The following LPIN1 variants were observed in gnomAD, a reference collection of about 807,000 sequenced individuals.
LPIN1 encodes lipin 1.
Under a neutral mutation model 107.5 loss-of-function variants are expected in LPIN1, and 71 were observed. That is an observed-to-expected ratio of 0.66 (90% CI 0.55 to 0.80). The LOEUF (loss-of-function observed/expected upper bound fraction) is 0.80, where lower values mean the gene tolerates loss of function less well. Ranked by LOEUF, LPIN1 falls within the 30% of genes least tolerant of loss-of-function variation. The pLI is 0.00. For synonymous variants in LPIN1, 445 were observed against 452.6 expected (o/e 0.98, Z 0.21); for missense variants, 1,043 against 1,160.6 (o/e 0.90, Z 1.47).
intron 1 of LPIN1, among the ~76,000 whole-genome samples, chr2:11,687,251 C>T (rs1358982791): frequency 2.0e-5 from 3 of 152,082 alleles, no homozygotes; most frequent in Non-Finnish European, 4.4e-5. Context: ...TCCCAAAGTG[C>T]GTGAGCCACT....
chr2:11,735,801 G>T (rs1045017240), intron 1 of LPIN1, among the ~76,000 whole-genome samples: 64 of 152,330 alleles, frequency 4.2e-4, no homozygotes, highest in African/African-American at 1.5e-3. Context: ...AGCAAATTCA[G>T]TCTTTTTCTG....
In LPIN1 at chr2:11,751,185, CAA is replaced by C. The variant is rs148707070; in HGVS notation, c.-10+4516_-10+4517del. ...CTGGGGTTGTGGTATCTGAGGGTTG[CAA>C]AGTGTCAGCGCTGGAGGAGCTGAGT... On this transcript the variant is annotated intron_variant, in intron 1 of 20. Transcript: ENST00000674199. Among the ~76,000 whole-genome samples, 378 of 152,256 alleles carry C rather than the reference CAA, an allele frequency of 2.5e-3. 11 individuals are homozygous for C. In the East Asian group the frequency reaches 0.055, roughly 22 times the overall value.
intron 18 of LPIN1, chr2:11,818,276 C>G (rs1402541835): frequency 6.6e-6 from 1 of 152,178 alleles, no homozygotes; most frequent in East Asian, 1.9e-4. Context: ...ATTAATATCT[C>G]AAAATTATAT....
chr2:11,686,395 C>A (rs149841398), intron 1 of LPIN1, among the ~76,000 whole-genome samples: 1 of 152,298 alleles, frequency 6.6e-6, no homozygotes, highest in African/African-American at 2.4e-5. Flanking sequence ...AAGAGGTGCT[C>A]TGTAGTTAGC....
chr2:11,735,266 C>T lies in LPIN1; in HGVS notation c.-71-6083C>T, dbSNP rs1158393041. On this transcript the variant is annotated intron_variant, in intron 1 of 21. Transcript: ENST00000396097. Reference sequence around the variant, plus strand: ...GAGATTGTGCCACTGCACTCCAGCCCGGCTGACAGAGTAAGACTCTGTCTC... The same window carrying T: ...GAGATTGTGCCACTGCACTCCAGCCTGGCTGACAGAGTAAGACTCTGTCTC... Among the ~76,000 whole-genome samples, 5 of 148,100 alleles carry T rather than the reference C, an allele frequency of 3.4e-5. No individual in the cohort carries two copies. The South Asian group carries it at 6.4e-4, about 19-fold the overall frequency.
chr2:11,783,334 G>A (rs371302827), intron 8 of LPIN1, among the ~76,000 whole-genome samples: 5 of 152,142 alleles, frequency 3.3e-5, no homozygotes, highest in African/African-American at 7.2e-5. Flanking sequence ...GCCTCAATGC[G>A]TTTAGTGCTC....
At position 11,821,732 on chromosome 2, in the gene LPIN1, G is replaced by C. The variant is rs116216123; in HGVS notation, c.2621+1218G>C. Among the ~76,000 whole-genome samples the C allele has an allele frequency of 2.3e-3, 346 of 152,272 alleles. 2 individuals are homozygous for C. Among genetic ancestry groups the C allele is most frequent in the African/African-American group, 8.1e-3 (337 of 41,552 alleles). ...CTTAAACTAGTTGGATTCTAACTGA[G>C]TGTCAATAGGGCAGTTCTAGGCTAA... On this transcript the variant is annotated intron_variant, in intron 20 of 20. Transcript: ENST00000674199.
chr2:11,678,542 G>A (rs1661545009), intron 1 of LPIN1, among the ~76,000 whole-genome samples: 1 of 152,186 alleles, frequency 6.6e-6, no homozygotes. Flanking sequence ...ATGCTTAGGG[G>A]GCAGGGAGAC....
At chr2:11,681,621 A>G (rs1286792472) in intron 1 of LPIN1, 1 of 152,360 alleles carries the variant, frequency 6.6e-6, no homozygotes, top group Non-Finnish European at 1.5e-5. Flanking sequence ...AGAACAGGCT[A>G]GTACACCCCC....
chr2:11,782,465 G>A lies in LPIN1; in HGVS notation c.1222G>A (p.Val408Ile). The A allele has an allele frequency of 6.2e-7, 1 of 1,614,160 alleles. No homozygotes were observed. The highest frequency in any genetic ancestry group is 8.5e-7 in the Non-Finnish European group (1 of 1,180,030). The change falls in exon 8 of 21, where the codon GTC becomes ATC. Residue 408 changes from valine to isoleucine, a missense_variant. Physicochemically the swap from Val to Ile is conservative, Grantham distance 29. Transcript: ENST00000674199. ...GCTCAAACCCCCCTCTGCCAGTGTA[G>A]TCCAGACAGCAAACAAGACGGATTC... ...EELKPPSASV[V>I]QTANKTDSPS...
intron 1 of LPIN1, among the ~76,000 whole-genome samples, chr2:11,732,109 G>A (rs1239941051): frequency 6.6e-6 from 1 of 152,138 alleles, no homozygotes; most frequent in East Asian, 1.9e-4. Context: ...TCTGGCTTTT[G>A]TTGCAATTGA....
chr2:11,708,655 A>C (rs1440787367), intron 1 of LPIN1, among the ~76,000 whole-genome samples: 1 of 152,184 alleles, frequency 6.6e-6, no homozygotes, highest in Non-Finnish European at 1.5e-5. Context: ...GCTGTGTTGC[A>C]CTTGGCCAGT....
chr2:11,821,296 C>T (rs1424895544), intron 20 of LPIN1, among the ~76,000 whole-genome samples: 1 of 152,178 alleles, frequency 6.6e-6, no homozygotes, highest in Non-Finnish European at 1.5e-5. Flanking sequence ...GTGGGTGGAT[C>T]ACCTGAGGTC....
intron 6 of LPIN1, among the ~76,000 whole-genome samples, chr2:11,778,664 A>T (rs1053823795): frequency 6.6e-6 from 1 of 152,236 alleles, no homozygotes; most frequent in Admixed American, 6.5e-5. Flanking sequence ...AGAGGAAATG[A>T]TGTGGGAAAA....
intron 1 of LPIN1, among the ~76,000 whole-genome samples, chr2:11,711,856 C>A (rs1663433966): frequency 6.6e-6 from 1 of 152,232 alleles, no homozygotes; most frequent in South Asian, 2.1e-4. Context: ...TCCCTCTCCT[C>A]CTCTGTAATC....
chr2:11,757,425 C>A (rs1414396545), intron 1 of LPIN1, among the ~76,000 whole-genome samples: 1 of 152,322 alleles, frequency 6.6e-6, no homozygotes, highest in East Asian at 1.9e-4. Flanking sequence ...CTGACTTCTT[C>A]AGGTAAATTA....
At chr2:11,680,287 C>A (rs1430836513) in intron 1 of LPIN1, among the ~76,000 whole-genome samples, 1 of 152,166 alleles carries the variant, frequency 6.6e-6, no homozygotes, top group Non-Finnish European at 1.5e-5. Context: ...GCAGCGTGAG[C>A]CCTCGGAGGC....
chr2:11,815,300 A>G, intron 18 of LPIN1, 60 bp downstream of exon 18: 1 of 1,597,726 alleles, frequency 6.3e-7, no homozygotes, highest in Non-Finnish European at 8.6e-7. Flanking sequence ...CTCTCTTCCT[A>G]ACTGCAAGTT....
intron 1 of LPIN1, among the ~76,000 whole-genome samples, chr2:11,730,282 C>T (rs1001204746): frequency 1.3e-5 from 2 of 152,106 alleles, no homozygotes; most frequent in African/African-American, 2.4e-5. Flanking sequence ...CCGCTGAGGC[C>T]GTTGCTCACC....
Sources: allele counts gnomAD v4.1 joint callset (sites outside exome capture counted in the v4.1 genomes callset), GRCh38; gene constraint gnomAD v4.1.1; transcripts MANE v1.5; gene names NCBI Gene and HGNC (gene_info 2026-07-23, HGNC 2026-07-21).